The following ATP11B variants were observed in gnomAD, a reference collection of about 807,000 sequenced individuals.
The protein encoded by ATP11B is ATPase phospholipid transporting 11B (putative).
In ATP11B, 81 loss-of-function variants were observed where a neutral mutation model predicts 157.8. The observed-to-expected ratio is 0.51, with a 90% CI of 0.43 to 0.62. The LOEUF (loss-of-function observed/expected upper bound fraction) is 0.62. Ranked by LOEUF, ATP11B falls within the 20% of genes least tolerant of loss-of-function variation. The pLI, the probability that ATP11B is intolerant of heterozygous loss-of-function variation, is 0.00. For synonymous variants in ATP11B, 451 were observed against 469.4 expected, an observed-to-expected ratio of 0.96 and a Z score of 0.51; for missense variants, 1,165 against 1,402.2, an observed-to-expected ratio of 0.83 and a Z score of 2.70.
intron 2 of ATP11B, among the ~76,000 whole-genome samples, chr3:182,824,611 G>C (rs575423532): frequency 2.7e-4 from 41 of 152,096 alleles, no homozygotes; most frequent in Non-Finnish European, 4.7e-4. Context: ...GAAAGCTTTT[G>C]GGATTAAATA....
chr3:182,917,200 G>A, intron 29 of ATP11B: 1 of 985,292 alleles, frequency 1.0e-6, no homozygotes, highest in Non-Finnish European at 1.2e-6. Flanking sequence ...TGGGAACCCT[G>A]GAAAAAGTTA....
At chr3:182,804,930 T>G (rs1243646247) in intron 1 of ATP11B, among the ~76,000 whole-genome samples, 1 of 151,680 alleles carries the variant, frequency 6.6e-6, no homozygotes, top group African/African-American at 2.4e-5. Context: ...TTTTCAAGGT[T>G]CTTCTATGTT....
intron 19 of ATP11B, among the ~76,000 whole-genome samples, chr3:182,875,589 G>A (rs368181516): frequency 1.3e-5 from 2 of 152,238 alleles, no homozygotes; most frequent in South Asian, 4.1e-4. Flanking sequence ...TTACAGGCAT[G>A]CACCACCGTG....
intron 10 of ATP11B, 138 bp from the exon 11 acceptor site, chr3:182,857,740 A>T (rs992644430): frequency 4.0e-6 from 2 of 497,172 alleles, no homozygotes; most frequent in African/African-American, 3.9e-5. Flanking sequence ...CTTGAAAACA[A>T]AAGCTGTGTA....
At chr3:182,794,650 C>A (rs1715487569) in intron 1 of ATP11B, among the ~76,000 whole-genome samples, 1 of 152,164 alleles carries the variant, frequency 6.6e-6, no homozygotes, top group South Asian at 2.1e-4. Context: ...AAAGTGCCAC[C>A]TTTCCCAGAA....
chr3:182,793,817 G>C, intron 1 of ATP11B, 31 bp downstream of exon 1: 1 of 1,310,322 alleles, frequency 7.6e-7, no homozygotes, highest in Non-Finnish European at 9.8e-7. Context: ...ACCTCCATTC[G>C]TCCGCCCCCG....
intron 29 of ATP11B, 45 bp downstream of exon 29, chr3:182,914,039 A>C (rs1724979747): frequency 1.2e-6 from 2 of 1,609,010 alleles, no homozygotes; most frequent in Non-Finnish European, 1.7e-6. Context: ...TGAGTATCCT[A>C]TCTGGAACAG....
Position 182,837,128 on chromosome 3 carries a change from C to G in ATP11B, c.610C>G (p.Leu204Val). The stretch of plus-strand genomic sequence containing the variant: ...ACAAACAGTTGCCAATTTGGACACT[C>G]TAGTAGCTGTAATAGAATGCCAGCA... Reference protein sequence around the residue: ...LLQTVANLDTLVAVIECQQPE... With the variant: ...LLQTVANLDTVVAVIECQQPE... Residue 204 changes from leucine (L) to valine (V), a missense_variant, in exon 7 of 30, where the codon CTA (leucine) becomes GTA (valine). By Grantham distance (32) the Leu-to-Val change is conservative (BLOSUM62 1). Coordinates refer to ENST00000323116, the MANE Select transcript of ATP11B (RefSeq NM_014616.3). 1.2e-6 allele frequency: 2 copies of G among 1,613,396 alleles called. No individual in the cohort carries two copies. Among genetic ancestry groups the G allele is most frequent in the Non-Finnish European group, 8.5e-7 (1 of 1,179,532 alleles).
chr3:182,800,137 GAAAC>G (rs1225993314), intron 1 of ATP11B, among the ~76,000 whole-genome samples: 3 of 151,774 alleles, frequency 2.0e-5, no homozygotes, highest in East Asian at 1.9e-4. Context: ...AAAAAAGAAA[GAAAC>G]AAAAACATTC....
chr3:182,814,558 A>G (rs1716859464), intron 1 of ATP11B, among the ~76,000 whole-genome samples: 1 of 152,172 alleles, frequency 6.6e-6, no homozygotes, highest in African/African-American at 2.4e-5. Flanking sequence ...CTGTAATCCC[A>G]GCACTTTGGG....
chr3:182,871,787 T>C (rs1721676350), intron 17 of ATP11B, among the ~76,000 whole-genome samples: 1 of 152,154 alleles, frequency 6.6e-6, no homozygotes, highest in East Asian at 1.9e-4. Context: ...TCTAATATTC[T>C]ACAATTCAGT....
At chr3:182,825,677 C>G (rs543181681) in intron 2 of ATP11B, among the ~76,000 whole-genome samples, 2 of 149,088 alleles carry the variant, frequency 1.3e-5, no homozygotes, top group Non-Finnish European at 3.0e-5. Context: ...GAACAGAGAT[C>G]GAGCCACTGC....
intron 1 of ATP11B, among the ~76,000 whole-genome samples, chr3:182,814,886 G>A (rs1716881786): frequency 6.6e-6 from 1 of 152,148 alleles, no homozygotes; most frequent in African/African-American, 2.4e-5. Flanking sequence ...ATCTATACTG[G>A]AACCGTATAA....
intron 25 of ATP11B, 74 bp downstream of exon 25, chr3:182,889,622 AAATTT>A (rs566729561): frequency 9.5e-5 from 121 of 1,276,468 alleles, no homozygotes; most frequent in Admixed American, 1.9e-4. Context: ...TCATAAAGTA[AAATTT>A]AATTTAAATT....
chr3:182,836,553 G>C, intron 6 of ATP11B, 83 bp downstream of exon 6: 2 of 1,532,330 alleles, frequency 1.3e-6, no homozygotes, highest in Non-Finnish European at 1.8e-6. Flanking sequence ...GGTTAAAGTA[G>C]TAAAGTTTGA....
At chr3:182,861,579 T>C (rs1335369533) in intron 12 of ATP11B, among the ~76,000 whole-genome samples, 3 of 152,166 alleles carry the variant, frequency 2.0e-5, no homozygotes, top group African/African-American at 7.2e-5. Flanking sequence ...ATACCAGATG[T>C]GGATGAGTGT....
chr3:182,883,678 G>A (rs1054191719), intron 21 of ATP11B, among the ~76,000 whole-genome samples: 7 of 151,614 alleles, frequency 4.6e-5, no homozygotes, highest in Middle Eastern at 3.2e-3. Context: ...AGACTAGGCC[G>A]GGCGCGGTGG....
At chr3:182,830,672 A>G (rs1273573366) in intron 4 of ATP11B, among the ~76,000 whole-genome samples, 1 of 152,200 alleles carries the variant, frequency 6.6e-6, no homozygotes, top group Non-Finnish European at 1.5e-5. Context: ...TGACATGGAA[A>G]TAAAATTGAC....
At chr3:182,873,765 A>G (rs1214787539) in intron 18 of ATP11B, 47 bp from the exon 19 acceptor site, 1 of 1,469,748 alleles carries the variant, frequency 6.8e-7, no homozygotes, top group African/African-American at 1.4e-5. Context: ...CTTAAAATAC[A>G]GTCATAAAAG....
Sources: allele counts gnomAD v4.1 joint callset (sites outside exome capture counted in the v4.1 genomes callset), GRCh38; gene constraint gnomAD v4.1.1; transcripts MANE v1.5; gene names NCBI Gene and HGNC (gene_info 2026-07-23, HGNC 2026-07-21).